The following ARL14EPL variants were observed in gnomAD, a reference collection of about 807,000 sequenced individuals.
The protein encoded by ARL14EPL is ARL14 effector protein-like.
In ARL14EPL, 17 loss-of-function variants were observed where a neutral mutation model predicts 15.9. The ratio of observed to expected loss-of-function variants is 1.07; its 90% CI spans 0.73 to 1.60. The LOEUF (loss-of-function observed/expected upper bound fraction) is 1.60. Ranked by LOEUF, ARL14EPL falls within the 40% of genes most tolerant of loss-of-function variation. The probability of loss-of-function intolerance (pLI) is 0.00; values close to 1 mark genes in which losing one functional copy is unlikely to be tolerated. For synonymous variants in ARL14EPL, 78 were observed against 63.8 expected, an observed-to-expected ratio of 1.22 and a Z score of -1.06; for missense variants, 214 against 185.9, an observed-to-expected ratio of 1.15 and a Z score of -0.88.
At chr5:116,039,008 G>A (rs1053545567) in intron 1 of ARL14EPL, among the ~76,000 whole-genome samples, 1 of 152,146 alleles carries the variant, frequency 6.6e-6, no homozygotes, top group East Asian at 1.9e-4. Flanking sequence ...ATGAGGAAAT[G>A]CACAGACAAA....
At chr5:116,036,669 A>C (rs1749055471) in intron 1 of ARL14EPL, among the ~76,000 whole-genome samples, 1 of 152,224 alleles carries the variant, frequency 6.6e-6, no homozygotes, top group African/African-American at 2.4e-5. Flanking sequence ...GATATAAATA[A>C]ACTTCATTTG....
rs1749589343 is a variant in ARL14EPL, at chr5:116,059,094, T to C, written c.*147T>C. ...TGTCAAGCCCCAGAACAATGTAGAATGGGCAATAATTCTGTAACCTTCTTA... is the reference window on the plus strand; with the variant it reads ...TGTCAAGCCCCAGAACAATGTAGAACGGGCAATAATTCTGTAACCTTCTTA... On this transcript the variant is annotated 3_prime_UTR_variant, in exon 4 of 4. Transcript: ENST00000686077. The C allele has an allele frequency of 1.3e-6, 1 of 750,042 alleles. No individual in the cohort carries two copies. The highest frequency in any genetic ancestry group is 2.7e-5 in the East Asian group (1 of 36,930). The allele number at this position is 750,042 out of a possible 1,614,324, so 46.5% of individuals were successfully genotyped here. A position where few individuals can be genotyped will look rare whatever the true frequency, so the allele number is the denominator to read the frequency against.
At chr5:116,052,624 T>C (rs1320737005) in intron 2 of ARL14EPL, among the ~76,000 whole-genome samples, 2 of 152,240 alleles carry the variant, frequency 1.3e-5, no homozygotes, top group Non-Finnish European at 2.9e-5. Flanking sequence ...TCGTACTAAG[T>C]TGTATGTATA....
At chr5:116,056,748 C>T (rs1304043749) in intron 3 of ARL14EPL, among the ~76,000 whole-genome samples, 2 of 152,256 alleles carry the variant, frequency 1.3e-5, no homozygotes, top group South Asian at 2.1e-4. Context: ...ATGGTATTGC[C>T]TAGGTTTTCT....
At chr5:116,038,404 G>A (rs921527990) in intron 1 of ARL14EPL, among the ~76,000 whole-genome samples, 12 of 152,146 alleles carry the variant, frequency 7.9e-5, no homozygotes, top group Non-Finnish European at 1.6e-4. Context: ...CATACACTGG[G>A]GAAAGCGTAA....
intron 1 of ARL14EPL, among the ~76,000 whole-genome samples, chr5:116,044,486 TG>T (rs1749227421): frequency 7.9e-6 from 1 of 125,832 alleles, no homozygotes; most frequent in East Asian, 2.2e-4. Flanking sequence ...TACGTGCGTG[TG>T]TATATATGTG....
In ARL14EPL at chr5:116,052,334, G is replaced by A. The variant is rs556820882; in HGVS notation, c.96+773G>A. 1.2e-4 allele frequency: 106 copies of A among 905,092 alleles called. 1 individual carries two copies. The highest frequency in any genetic ancestry group is 1.0e-3 in the African/African-American group (63 of 60,344). The allele number at this position is 905,092 out of a possible 1,614,324, so 56.1% of individuals were successfully genotyped here. ...GACACCGCAGCCTTGCAAAGATGTCGGACAAAAAAGCTACAAATGTTTTTA... is the reference window on the plus strand; with the variant it reads ...GACACCGCAGCCTTGCAAAGATGTCAGACAAAAAAGCTACAAATGTTTTTA... On this transcript the variant is annotated intron_variant, in intron 2 of 3. Transcript: ENST00000686077.
chr5:116,040,899 T>C (rs966219048), intron 1 of ARL14EPL, among the ~76,000 whole-genome samples: 72 of 140,648 alleles, frequency 5.1e-4, no homozygotes, highest in African/African-American at 1.9e-3. Context: ...GAGAATCGCA[T>C]GAACCCAGAG....
chr5:116,050,058 A>G (rs75652945), intron 1 of ARL14EPL, among the ~76,000 whole-genome samples: 8,567 of 152,266 alleles, frequency 0.056, 705 homozygotes, highest in African/African-American at 0.17. Context: ...GCATTTTAAA[A>G]TAGCTGTTAT....
intron 1 of ARL14EPL, among the ~76,000 whole-genome samples, chr5:116,041,956 G>T (rs940006865): frequency 2.6e-5 from 4 of 152,040 alleles, no homozygotes; most frequent in African/African-American, 9.7e-5. Flanking sequence ...GGCCTCCTGA[G>T]TAGCTGGGAT....
rs28646086 is a variant in ARL14EPL at position 116,050,387 on chromosome 5, C to T, written c.-9-1070C>T. 2.7e-3 allele frequency among the ~76,000 whole-genome samples: 412 copies of T among 152,328 alleles called. 1 individual carries two copies. Among genetic ancestry groups the T allele is most frequent in the African/African-American group, 9.4e-3 (391 of 41,572 alleles). ...TGTATTTGTTCACTTCAGATAATGGCTTCCAGCTGCATCCATGTTGCTGCA... is the reference window on the plus strand; with the variant it reads ...TGTATTTGTTCACTTCAGATAATGGTTTCCAGCTGCATCCATGTTGCTGCA... On this transcript the variant is annotated intron_variant, in intron 1 of 3. Transcript: ENST00000686077.
At chr5:116,042,044 T>C (rs1323378006) in intron 1 of ARL14EPL, among the ~76,000 whole-genome samples, 2 of 152,128 alleles carry the variant, frequency 1.3e-5, no homozygotes, top group Admixed American at 6.5e-5. Flanking sequence ...TTGTCTAGGC[T>C]GGTCTCGAAT....
chr5:116,038,867 G>C (rs59969804), intron 1 of ARL14EPL, among the ~76,000 whole-genome samples: 38 of 152,248 alleles, frequency 2.5e-4, no homozygotes, highest in African/African-American at 8.9e-4. Context: ...ATCTTTAATG[G>C]GAGGCAGAAC....
chr5:116,033,804 C>T (rs560490717), intron 1 of ARL14EPL, among the ~76,000 whole-genome samples: 3 of 152,026 alleles, frequency 2.0e-5, no homozygotes, highest in Non-Finnish European at 4.4e-5. Flanking sequence ...AAGTTTGTTT[C>T]GTGAAAAAAA....
At chr5:116,054,452 A>G (rs1024753521) in intron 3 of ARL14EPL, among the ~76,000 whole-genome samples, 1 of 152,234 alleles carries the variant, frequency 6.6e-6, no homozygotes. Context: ...AGGATAAATA[A>G]TATAACCATG....
chr5:116,058,785 T>C lies in ARL14EPL; in HGVS notation c.297T>C (p.Asp99=). 2 of 1,535,920 alleles carry C rather than the reference T, an allele frequency of 1.3e-6. No homozygotes were observed. Among genetic ancestry groups the C allele is most frequent in the Non-Finnish European group, 8.7e-7 (1 of 1,146,900 alleles). Residue 99 remains aspartate (D), a synonymous_variant, in exon 4 of 4, where the codon GAT becomes GAC. Transcript: ENST00000686077. The part of the protein sequence containing the change: ...RLICNDADLC[D]CLEKNCLGCF... Reference sequence around the variant, plus strand: ...TCTGTAATGACGCTGATCTGTGTGATTGTCTAGAGAAGAACTGCCTGGGCT... The same window carrying C: ...TCTGTAATGACGCTGATCTGTGTGACTGTCTAGAGAAGAACTGCCTGGGCT...
At position 116,058,770 on chromosome 5, in the gene ARL14EPL, C is replaced by T. The variant is rs1024674649; in HGVS notation, c.282C>T (p.Asp94=). 72 of 1,535,552 alleles carry T rather than the reference C, an allele frequency of 4.7e-5. No individual in the cohort carries two copies. The highest frequency in any genetic ancestry group is 1.8e-4 in the Middle Eastern group (1 of 5,650). ...AAAGTGGCAGGCTCATCTGTAATGA[C>T]GCTGATCTGTGTGATTGTCTAGAGA... ...YDKSGRLICN[D]ADLCDCLEKN... is the part of the protein sequence containing the mutation. The change falls in exon 4 of 4, where the codon GAC becomes GAT. Residue 94 remains aspartate, a synonymous_variant. Transcript: ENST00000686077.
At chr5:116,042,081 T>C (rs1749170907) in intron 1 of ARL14EPL, among the ~76,000 whole-genome samples, 1 of 152,160 alleles carries the variant, frequency 6.6e-6, no homozygotes, top group African/African-American at 2.4e-5. Flanking sequence ...TCCTCCCACC[T>C]TGGCCTCCCA....
intron 1 of ARL14EPL, among the ~76,000 whole-genome samples, chr5:116,047,924 G>C (rs1415658089): frequency 6.6e-6 from 1 of 152,150 alleles, no homozygotes; most frequent in African/African-American, 2.4e-5. Flanking sequence ...GAGATAAGAG[G>C]GCAGAAGACA....
Sources: gnomAD v4.1 joint callset for allele counts (sites outside exome capture counted in the v4.1 genomes callset) on GRCh38, gnomAD v4.1.1 for gene constraint, MANE v1.5 for transcripts, NCBI Gene and HGNC (gene_info 2026-07-23, HGNC 2026-07-21) for gene names.